Variants in SUGCT observed in about 807,000 individuals in gnomAD.
SUGCT encodes the protein succinyl-CoA:glutarate CoA-transferase.
SUGCT carries 41 observed loss-of-function variants against 55.0 expected under a neutral mutation model. The observed-to-expected ratio is 0.74, with a 90% CI of 0.58 to 0.97. SUGCT has a LOEUF of 0.97. Ranked by LOEUF, SUGCT falls within the 50% of genes least tolerant of loss-of-function variation. SUGCT has a pLI of 0.00. For synonymous variants in SUGCT, 187 were observed against 200.4 expected, an observed-to-expected ratio of 0.93 and a Z score of 0.56; for missense variants, 568 against 547.8, an observed-to-expected ratio of 1.04 and a Z score of -0.37.
chr7:40,407,779 A>T (rs534849360), intron 9 of SUGCT, among the ~76,000 whole-genome samples: 335 of 152,162 alleles, frequency 2.2e-3, no homozygotes, highest in Non-Finnish European at 3.5e-3. Context: ...GAAAATTTTC[A>T]TTTATATTTC....
the SUGCT span, among the ~76,000 whole-genome samples, chr7:40,867,885 T>C: frequency 6.6e-6 from 1 of 152,240 alleles, no homozygotes; most frequent in African/African-American, 2.4e-5. Flanking sequence ...GGTTCTCTTC[T>C]ATTAAACTAT....
At chr7:40,816,617 T>C (rs1217406160) in intron 13 of SUGCT, among the ~76,000 whole-genome samples, 2 of 152,204 alleles carry the variant, frequency 1.3e-5, no homozygotes, top group Non-Finnish European at 2.9e-5. Flanking sequence ...CTATTTTCCT[T>C]CTTGAATGAA....
At chr7:40,257,778 G>T (rs1008196046) in intron 7 of SUGCT, among the ~76,000 whole-genome samples, 1 of 152,128 alleles carries the variant, frequency 6.6e-6, no homozygotes, top group African/African-American at 2.4e-5. Flanking sequence ...GGAGGCTGAG[G>T]TGGGAGAATC....
chr7:40,603,294 T>G (rs950166849), intron 12 of SUGCT, among the ~76,000 whole-genome samples: 1 of 152,212 alleles, frequency 6.6e-6, no homozygotes, highest in African/African-American at 2.4e-5. Flanking sequence ...AAATGCATAA[T>G]GATAGCGAAA....
chr7:40,466,648 C>CA, intron 11 of SUGCT, among the ~76,000 whole-genome samples: 1 of 152,232 alleles, frequency 6.6e-6, no homozygotes, highest in East Asian at 1.9e-4. Context: ...ACATGTGAAG[C>CA]AATGATGGGC....
intron 9 of SUGCT, among the ~76,000 whole-genome samples, chr7:40,317,482 G>A (rs1398747132): frequency 6.6e-6 from 1 of 152,160 alleles, no homozygotes; most frequent in East Asian, 1.9e-4. Flanking sequence ...TGCACTGTAT[G>A]TTGTTGTATT....
chr7:40,236,692 T>C (rs1351809119), intron 6 of SUGCT, among the ~76,000 whole-genome samples: 1 of 152,116 alleles, frequency 6.6e-6, no homozygotes, highest in East Asian at 1.9e-4. Context: ...AGGGAAGTAC[T>C]TGAAACCCGG....
intron 12 of SUGCT, among the ~76,000 whole-genome samples, chr7:40,738,306 A>AT (rs879655232): frequency 2.0e-5 from 3 of 151,960 alleles, no homozygotes; most frequent in East Asian, 1.9e-4. Flanking sequence ...CAAGATGGGA[A>AT]TTTTTTTATA....
chr7:40,651,409 A>G (rs908791676), intron 12 of SUGCT, among the ~76,000 whole-genome samples: 2 of 150,060 alleles, frequency 1.3e-5, no homozygotes, highest in African/African-American at 4.9e-5. Flanking sequence ...GTGTCTGTTC[A>G]TGTCCTTTGC....
At chr7:40,538,157 T>C (rs891251749) in intron 12 of SUGCT, 1 of 152,218 alleles carries the variant, frequency 6.6e-6, no homozygotes, top group African/African-American at 2.4e-5. Flanking sequence ...TTTATTGCTA[T>C]GATTAATAAC....
chr7:40,762,881 C>G (rs1396717323), intron 13 of SUGCT, among the ~76,000 whole-genome samples: 1 of 151,692 alleles, frequency 6.6e-6, no homozygotes, highest in African/African-American at 2.4e-5. Flanking sequence ...GGCATGATCT[C>G]AGCTCACTGC....
chr7:40,760,285 A>T (rs1788466291), intron 13 of SUGCT, among the ~76,000 whole-genome samples: 1 of 152,190 alleles, frequency 6.6e-6, no homozygotes, highest in Non-Finnish European at 1.5e-5. Context: ...TAGAGTTAAG[A>T]TGATTTTTCT....
chr7:40,854,419 C>CTTTCTTTCTTTCTTT (rs200586474), intron 13 of SUGCT, among the ~76,000 whole-genome samples: 66 of 88,822 alleles, frequency 7.4e-4, no homozygotes, highest in African/African-American at 2.3e-3. Context: ...TTCTTTCTTT[C>CTTTCTTTCTTTCTTT]CTTTCTTTCT....
At chr7:40,490,341 C>G (rs1472078605) in intron 11 of SUGCT, among the ~76,000 whole-genome samples, 1 of 152,116 alleles carries the variant, frequency 6.6e-6, no homozygotes, top group African/African-American at 2.4e-5. Flanking sequence ...CTAACTGAGC[C>G]TAGGTGGTCT....
intron 13 of SUGCT, among the ~76,000 whole-genome samples, chr7:40,847,407 CTTTCTTTTTTTT>C (rs1793617839): frequency 8.5e-6 from 1 of 117,858 alleles, no homozygotes; most frequent in East Asian, 4.9e-4. Flanking sequence ...TCTTTTCTTT[CTTTCTTTTTTTT>C]TTTTTTTTTT....
chr7:40,711,449 C>T (rs1236335834), intron 12 of SUGCT, among the ~76,000 whole-genome samples: 1 of 151,856 alleles, frequency 6.6e-6, no homozygotes, highest in Non-Finnish European at 1.5e-5. Context: ...TTGCAGTGAG[C>T]CGAGATCCCA....
chr7:40,488,055 C>T (rs1160433641), intron 11 of SUGCT, among the ~76,000 whole-genome samples: 3 of 150,538 alleles, frequency 2.0e-5, no homozygotes, highest in Admixed American at 6.6e-5. Flanking sequence ...CCAACAAATT[C>T]GATGTACTTA....
At chr7:40,161,804 A>G (rs1266712808) in intron 1 of SUGCT, among the ~76,000 whole-genome samples, 1 of 152,112 alleles carries the variant, frequency 6.6e-6, no homozygotes. Flanking sequence ...TGACTTGTTG[A>G]CTTTTGGTTG....
At chr7:40,746,498 A>G (rs931364827) in intron 12 of SUGCT, among the ~76,000 whole-genome samples, 4 of 152,234 alleles carry the variant, frequency 2.6e-5, no homozygotes, top group Admixed American at 2.6e-4. Context: ...TGCATGCTAC[A>G]GCAAATGAGA....
Sources: allele counts gnomAD v4.1 joint callset (sites outside exome capture counted in the v4.1 genomes callset), GRCh38; gene constraint gnomAD v4.1.1; transcripts MANE v1.5; gene names NCBI Gene and HGNC (gene_info 2026-07-23, HGNC 2026-07-21).